The following DIAPH2 variants were observed in gnomAD, a reference collection of about 807,000 sequenced individuals.
DIAPH2 encodes protein diaphanous homolog 2.
Under a neutral mutation model 92.7 loss-of-function variants are expected in DIAPH2, and 35 were observed. The ratio of observed to expected loss-of-function variants is 0.38; its 90% CI spans 0.29 to 0.50. The LOEUF is 0.50. Ranked by LOEUF, DIAPH2 falls within the 20% of genes least tolerant of loss-of-function variation. The pLI is 0.94. For missense variants in DIAPH2, 701 were observed against 819.5 expected (o/e 0.86, Z 1.77); for synonymous variants, 301 against 280.4 (o/e 1.07, Z -0.73).
At position 96,739,938 on chromosome X, in the gene DIAPH2, C is replaced by A. The variant is rs778349808; in HGVS notation, c.342+1176C>A. Among the ~76,000 whole-genome samples, 143 of 112,018 alleles carry A rather than the reference C, an allele frequency of 1.3e-3. 1 individual carries two copies. Among genetic ancestry groups the A allele is most frequent in the African/African-American group, 4.2e-3 (129 of 30,842 alleles). On this transcript the variant is annotated intron_variant, in intron 3 of 26. Coordinates refer to ENST00000324765, the MANE Select transcript of DIAPH2 (RefSeq NM_006729.5). Reference sequence around the variant, plus strand: ...ACCTGGCTATGCTTTTGTCCTTTACCCTTGCTACTCATTTTGGTGATTTCA... The same window carrying A: ...ACCTGGCTATGCTTTTGTCCTTTACACTTGCTACTCATTTTGGTGATTTCA...
At chrX:97,541,096 G>A (rs938501651) in intron 26 of DIAPH2, among the ~76,000 whole-genome samples, 2 of 111,417 alleles carry the variant, frequency 1.8e-5, no homozygotes, top group African/African-American at 6.5e-5. Context: ...AATCACCCAT[G>A]CCTCATGGAT....
chrX:97,129,089 A>ATCTTTTCTTTTCTTTTT (rs2053985621), intron 21 of DIAPH2, among the ~76,000 whole-genome samples: 2 of 64,463 alleles, frequency 3.1e-5, no homozygotes, highest in African/African-American at 7.5e-5. Flanking sequence ...TGTCTATACC[A>ATCTTTTCTTTTCTTTTT]TCTTTTCTTT....
At chrX:97,026,202 T>C (rs2066333949) in intron 17 of DIAPH2, among the ~76,000 whole-genome samples, 2 of 112,256 alleles carry the variant, frequency 1.8e-5, no homozygotes, top group African/African-American at 6.5e-5. Context: ...TATATTTTGA[T>C]AGTGCTCCCA....
chrX:97,364,343 A>G (rs771887961), intron 24 of DIAPH2, among the ~76,000 whole-genome samples: 8 of 112,246 alleles, frequency 7.1e-5, no homozygotes, highest in African/African-American at 2.6e-4. Context: ...ACCCTGATCC[A>G]GCCCACCCTG....
chrX:97,046,907 G>A (rs1443290964), intron 17 of DIAPH2, among the ~76,000 whole-genome samples: 1 of 111,119 alleles, frequency 9.0e-6, no homozygotes, highest in Admixed American at 9.5e-5. Flanking sequence ...CAGTTATGGT[G>A]ATTGAATTGA....
At chrX:97,349,079 TATA>T (rs200063561) in intron 24 of DIAPH2, among the ~76,000 whole-genome samples, 1,503 of 87,623 alleles carry the variant, frequency 0.017, 42 homozygotes, top group African/African-American at 0.056. Flanking sequence ...TATATATATA[TATA>T]TTTTTTTTTT....
At chrX:97,563,125 G>GAAA (rs2071305091) in intron 26 of DIAPH2, among the ~76,000 whole-genome samples, 1 of 111,837 alleles carries the variant, frequency 8.9e-6, no homozygotes, top group Non-Finnish European at 1.9e-5. Flanking sequence ...CTTGTAATCT[G>GAAA]AAAAGGGAGT....
At chrX:97,237,562 ATTTTTC>A (rs1048521405) in intron 22 of DIAPH2, among the ~76,000 whole-genome samples, 2 of 106,441 alleles carry the variant, frequency 1.9e-5, no homozygotes, top group Non-Finnish European at 3.9e-5. Flanking sequence ...TTTTAAAAAG[ATTTTTC>A]TTTTTCTTTT....
intron 1 of DIAPH2, among the ~76,000 whole-genome samples, chrX:96,686,061 T>A (rs888296712): frequency 8.9e-6 from 1 of 112,069 alleles, no homozygotes; most frequent in Non-Finnish European, 1.9e-5. Flanking sequence ...GTAAACTTTC[T>A]AATTTGGGTG....
chrX:97,219,004 C>T (rs2147513831), intron 22 of DIAPH2, among the ~76,000 whole-genome samples: 1 of 111,710 alleles, frequency 9.0e-6, no homozygotes, highest in East Asian at 2.8e-4. Context: ...ATACTTAAAA[C>T]AATAAGTTAT....
chrX:96,961,439 G>T (rs1450642020), intron 16 of DIAPH2, among the ~76,000 whole-genome samples: 1 of 89,159 alleles, frequency 1.1e-5, no homozygotes, highest in Non-Finnish European at 2.3e-5. Context: ...TCCAGCTAGT[G>T]GTTTATCAGT....
At chrX:97,432,863 T>G (rs2070142203) in intron 26 of DIAPH2, among the ~76,000 whole-genome samples, 1 of 112,197 alleles carries the variant, frequency 8.9e-6, no homozygotes, top group African/African-American at 3.2e-5. Context: ...CCTCAGGTGA[T>G]CTACCCACTT....
At chrX:97,384,126 A>G in intron 25 of DIAPH2, 82 bp downstream of exon 25, 2 of 862,169 alleles carry the variant, frequency 2.3e-6, no homozygotes, top group Non-Finnish European at 3.2e-6. Context: ...TATAAAGTAA[A>G]TTTTCATAGA....
chrX:96,913,780 G>A (rs1296663169), intron 7 of DIAPH2, among the ~76,000 whole-genome samples: 2 of 110,552 alleles, frequency 1.8e-5, no homozygotes, highest in Non-Finnish European at 3.8e-5. Flanking sequence ...TATAATACTA[G>A]TTGTATTATA....
intron 9 of DIAPH2, among the ~76,000 whole-genome samples, chrX:96,919,226 T>C (rs1362181771): frequency 1.8e-5 from 2 of 112,523 alleles, no homozygotes; most frequent in Non-Finnish European, 3.8e-5. Flanking sequence ...GCTGAACTTA[T>C]GGTATGAAGT....
intron 17 of DIAPH2, among the ~76,000 whole-genome samples, chrX:97,022,633 GA>G (rs557792701): frequency 1.1e-3 from 120 of 109,186 alleles, no homozygotes; most frequent in African/African-American, 3.1e-3. Context: ...GGCAAATTTG[GA>G]AAAAAAAATT....
intron 3 of DIAPH2, among the ~76,000 whole-genome samples, chrX:96,740,465 A>T (rs779660925): frequency 5.3e-5 from 6 of 112,281 alleles, no homozygotes; most frequent in African/African-American, 1.9e-4. Flanking sequence ...AGCTGCTGAC[A>T]ATTTGGTTAC....
Position 97,601,487 on chromosome X carries a change from A to AGTT in DIAPH2, c.*2172_*2174dup, listed in dbSNP as rs2071595876. 1 of 110,844 alleles carries AGTT rather than the reference A, an allele frequency of 9.0e-6. No individual in the cohort carries two copies. The highest frequency in any genetic ancestry group is 3.3e-5 in the African/African-American group (1 of 30,439). The allele number at this position is 110,844 out of a possible 1,213,427, so 9.1% of individuals were successfully genotyped here. Reference sequence around the variant, plus strand: ...TCAGGGTCTTTCATGAAGTTCCAATAGTTGAGTGAGTTAAAAGGTTTGTTT... The same window carrying AGTT: ...TCAGGGTCTTTCATGAAGTTCCAATAGTTGTTGAGTGAGTTAAAAGGTTTGTTT... On this transcript the variant is annotated 3_prime_UTR_variant, in exon 27 of 27. Coordinates refer to ENST00000324765, the MANE Select transcript of DIAPH2 (RefSeq NM_006729.5).
At chrX:97,155,046 T>G (rs2067312033) in intron 22 of DIAPH2, among the ~76,000 whole-genome samples, 1 of 112,072 alleles carries the variant, frequency 8.9e-6, no homozygotes, top group South Asian at 3.7e-4. Context: ...CAATAAAATA[T>G]AAGTTTCAGC....
Sources: gnomAD v4.1 joint callset for allele counts (sites outside exome capture counted in the v4.1 genomes callset) on GRCh38, gnomAD v4.1.1 for gene constraint, MANE v1.5 for transcripts, NCBI Gene and HGNC (gene_info 2026-07-23, HGNC 2026-07-21) for gene names.